The following BRINP3 variants were observed in gnomAD, a reference collection of about 807,000 sequenced individuals.
The protein encoded by BRINP3 is BMP/retinoic acid-inducible neural-specific protein 3.
A neutral mutation model predicts 71.0 loss-of-function variants in BRINP3; 19 were observed. The ratio of observed to expected loss-of-function variants is 0.27; its 90% CI spans 0.19 to 0.39. BRINP3 has a LOEUF of 0.39. Ranked by LOEUF, BRINP3 falls within the 10% of genes least tolerant of loss-of-function variation. The pLI, the probability that BRINP3 is intolerant of heterozygous loss-of-function variation, is 1.00. For synonymous variants in BRINP3, 380 were observed against 337.7 expected, an observed-to-expected ratio of 1.13 and a Z score of -1.37; for missense variants, 959 against 940.8, an observed-to-expected ratio of 1.02 and a Z score of -0.25.
At chr1:190,200,726 C>T (rs1654928496) in intron 6 of BRINP3, among the ~76,000 whole-genome samples, 1 of 151,928 alleles carries the variant, frequency 6.6e-6, no homozygotes, top group Non-Finnish European at 1.5e-5. Context: ...CAGATCTTTC[C>T]CATGCTGTTC....
chr1:190,107,561 C>T (rs936869635), intron 7 of BRINP3, among the ~76,000 whole-genome samples: 4 of 152,052 alleles, frequency 2.6e-5, no homozygotes, highest in Non-Finnish European at 4.4e-5. Context: ...CCCACTATAA[C>T]AATATAGTGT....
intron 2 of BRINP3, among the ~76,000 whole-genome samples, chr1:190,339,900 A>T (rs1288460781): frequency 1.3e-5 from 2 of 151,878 alleles, no homozygotes; most frequent in African/African-American, 4.8e-5. Context: ...AAAGATGTTG[A>T]TTTATTCTTC....
intron 2 of BRINP3, among the ~76,000 whole-genome samples, chr1:190,288,373 A>G (rs558289281): frequency 6.6e-6 from 1 of 152,124 alleles, no homozygotes; most frequent in East Asian, 1.9e-4. Context: ...GTAATTCATT[A>G]TCTTCATTAA....
chr1:190,123,619 A>T (rs897657398), intron 7 of BRINP3, among the ~76,000 whole-genome samples: 1 of 152,276 alleles, frequency 6.6e-6, no homozygotes, highest in East Asian at 1.9e-4. Flanking sequence ...ACCAATTAGT[A>T]CTACTTAATA....
chr1:190,362,977 G>C (rs1669245607), intron 2 of BRINP3, among the ~76,000 whole-genome samples: 1 of 152,060 alleles, frequency 6.6e-6, no homozygotes, highest in Non-Finnish European at 1.5e-5. Flanking sequence ...CTGTGATCAT[G>C]ATAGGATATT....
intron 6 of BRINP3, among the ~76,000 whole-genome samples, chr1:190,206,041 C>G (rs767237351): frequency 3.3e-5 from 5 of 151,968 alleles, no homozygotes; most frequent in African/African-American, 4.8e-5. Context: ...TACTATATTG[C>G]TGCTTAGGTG....
At chr1:190,325,767 C>A (rs145727806) in intron 2 of BRINP3, among the ~76,000 whole-genome samples, 2 of 151,982 alleles carry the variant, frequency 1.3e-5, no homozygotes, top group African/African-American at 4.8e-5. Context: ...ATTTGCACTG[C>A]CCTTATCCAA....
chr1:190,331,544 A>G (rs1405907068), intron 2 of BRINP3, among the ~76,000 whole-genome samples: 1 of 152,010 alleles, frequency 6.6e-6, no homozygotes, highest in African/African-American at 2.4e-5. Flanking sequence ...AAAGCACATA[A>G]TTATTTGTAG....
At chr1:190,240,940 A>C (rs1659025558) in intron 4 of BRINP3, among the ~76,000 whole-genome samples, 1 of 149,012 alleles carries the variant, frequency 6.7e-6, no homozygotes, top group African/African-American at 2.5e-5. Flanking sequence ...AAATATCTTT[A>C]ATTTATTTTA....
chr1:190,357,546 G>A (rs1668815629), intron 2 of BRINP3, among the ~76,000 whole-genome samples: 1 of 151,938 alleles, frequency 6.6e-6, no homozygotes, highest in African/African-American at 2.4e-5. Context: ...TTTTTGTGTA[G>A]TAAAGAATTT....
intron 7 of BRINP3, among the ~76,000 whole-genome samples, chr1:190,131,036 A>G (rs555501276): frequency 6.6e-6 from 1 of 151,934 alleles, no homozygotes; most frequent in African/African-American, 2.4e-5. Context: ...GTGTTCATTC[A>G]TTACTCATTG....
chr1:190,197,966 G>C (rs1654640403), intron 6 of BRINP3, among the ~76,000 whole-genome samples: 1 of 152,054 alleles, frequency 6.6e-6, no homozygotes, highest in African/African-American at 2.4e-5. Context: ...CCTCTAACCT[G>C]GACATCCAGG....
At chr1:190,263,620 C>T (rs925542580) in intron 4 of BRINP3, among the ~76,000 whole-genome samples, 2 of 139,520 alleles carry the variant, frequency 1.4e-5, no homozygotes, top group South Asian at 2.2e-4. Flanking sequence ...AACAGAGTCT[C>T]GCTCTGTCGC....
chr1:190,126,321 C>T (rs1269342114), intron 7 of BRINP3, among the ~76,000 whole-genome samples: 1 of 151,840 alleles, frequency 6.6e-6, no homozygotes, highest in East Asian at 1.9e-4. Flanking sequence ...CTCTGCACTT[C>T]CCATATGTTC....
chr1:190,265,134 T>C (rs1376940868), intron 3 of BRINP3, 79 bp from the exon 4 acceptor site: 65 of 1,282,200 alleles, frequency 5.1e-5, no homozygotes, highest in Non-Finnish European at 7.0e-5. Flanking sequence ...TGGAAAGGTC[T>C]AGCTTATGAA....
At chr1:190,197,439 C>T (rs1654585877) in intron 6 of BRINP3, among the ~76,000 whole-genome samples, 1 of 152,162 alleles carries the variant, frequency 6.6e-6, no homozygotes, top group Admixed American at 6.5e-5. Context: ...CAAGGCAATT[C>T]CCTTCCATCT....
intron 7 of BRINP3, among the ~76,000 whole-genome samples, chr1:190,135,173 G>T (rs544481188): frequency 6.6e-6 from 1 of 151,838 alleles, no homozygotes; most frequent in Non-Finnish European, 1.5e-5. Context: ...AATGCATATG[G>T]GAATTAATCC....
chr1:190,413,098 TA>T (rs948061355), intron 2 of BRINP3, among the ~76,000 whole-genome samples: 27 of 152,300 alleles, frequency 1.8e-4, no homozygotes, highest in Non-Finnish European at 3.2e-4. Context: ...TTTGGCATTG[TA>T]AATATTCAAA....
Position 190,098,099 on chromosome 1 carries a change from C to A in BRINP3, c.2220G>T (p.Val740=). Residue 740 remains valine (V), a synonymous_variant, in exon 8 of 8, where the codon GTG becomes GTT. Coordinates refer to ENST00000367462, the MANE Select transcript of BRINP3 (RefSeq NM_199051.3). ...ACGCCTGCAGAGCAGATTGGATCCT[C>A]ACCACCTCACTAGTAGACAGCTTGA... ...HRLKLSTSEV[V]RIQSALQAFN... is the part of the protein sequence containing the mutation. 6.2e-7 allele frequency: 1 copy of A among 1,614,188 alleles called. No individual in the cohort carries two copies. The highest frequency in any genetic ancestry group is 8.5e-7 in the Non-Finnish European group (1 of 1,180,034).
Sources: allele counts gnomAD v4.1 joint callset (sites outside exome capture counted in the v4.1 genomes callset), GRCh38; gene constraint gnomAD v4.1.1; transcripts MANE v1.5; gene names NCBI Gene and HGNC (gene_info 2026-07-23, HGNC 2026-07-21).